ATP8A2: variants seen among roughly 807,000 people sequenced by gnomAD.
ATP8A2 encodes the protein ATPase phospholipid transporting 8A2.
ATP8A2 carries 100 observed loss-of-function variants against 165.6 expected under a neutral mutation model. The observed-to-expected ratio is 0.60, with a 90% CI of 0.51 to 0.71. ATP8A2 has a LOEUF of 0.71. ATP8A2 is among the 30% of genes least tolerant of loss of function. The pLI, the probability that ATP8A2 is intolerant of heterozygous loss-of-function variation, is 0.00. For missense variants in ATP8A2, 1,227 were observed against 1,479.5 expected, an observed-to-expected ratio of 0.83 and a Z score of 2.80; for synonymous variants, 543 against 548.8, an observed-to-expected ratio of 0.99 and a Z score of 0.15.
rs148324221 is a variant in ATP8A2, at chr13:25,693,526, T to G, written c.2212-5647T>G. ...AGGCAAAGGAGTGTATCTGAGCAGATGAAGGGCAGGGAGAAGAGAATGGAA... is the reference window on the plus strand; with the variant it reads ...AGGCAAAGGAGTGTATCTGAGCAGAGGAAGGGCAGGGAGAAGAGAATGGAA... On this transcript the variant is annotated intron_variant, in intron 24 of 36. Transcript: ENST00000381655. Among the ~76,000 whole-genome samples, 15 of 152,166 alleles carry G rather than the reference T, an allele frequency of 9.9e-5. No individual in the cohort carries two copies. The East Asian group carries it at 2.9e-3, about 29-fold the overall frequency.
chr13:25,603,935 A>T (rs530783085), intron 24 of ATP8A2, among the ~76,000 whole-genome samples: 2 of 152,058 alleles, frequency 1.3e-5, no homozygotes, highest in South Asian at 2.1e-4. Flanking sequence ...ATGGAGAAAA[A>T]TACTGAGTAA....
chr13:25,736,227 T>C (rs1164813337), intron 25 of ATP8A2, among the ~76,000 whole-genome samples: 2 of 152,204 alleles, frequency 1.3e-5, no homozygotes, highest in Non-Finnish European at 2.9e-5. Flanking sequence ...CCCTTCATTA[T>C]GTGATGCGTG....
intron 24 of ATP8A2, among the ~76,000 whole-genome samples, chr13:25,617,623 C>G (rs1009634645): frequency 3.3e-5 from 5 of 152,210 alleles, no homozygotes; most frequent in Middle Eastern, 3.4e-3. Context: ...TCTTGGTGTT[C>G]CCTTGACTTT....
rs1951705150 is a variant in ATP8A2 at position 25,839,498 on chromosome 13, T to C, written c.2878-48T>C. Reference sequence around the variant, plus strand: ...GCGTTTGTTGAGAGTTTCACAGAGGTCAAGCGTTTTGGGCAGCTCCTGACT... The same window carrying C: ...GCGTTTGTTGAGAGTTTCACAGAGGCCAAGCGTTTTGGGCAGCTCCTGACT... On this transcript the variant is annotated intron_variant, in intron 29 of 36. Coordinates refer to ENST00000381655, the MANE Select transcript of ATP8A2 (RefSeq NM_016529.6). 13 of 1,369,684 alleles carry C rather than the reference T, an allele frequency of 9.5e-6. No homozygotes were observed. In the South Asian group the frequency reaches 1.3e-4, roughly 13 times the overall value. 84.8% of individuals were successfully genotyped at this position (1,369,684 alleles called of 1,614,324 possible).
intron 2 of ATP8A2, among the ~76,000 whole-genome samples, chr13:25,508,390 G>T (rs923059921): frequency 6.6e-6 from 1 of 152,164 alleles, no homozygotes; most frequent in African/African-American, 2.4e-5. Context: ...GGTCTTTATT[G>T]TGACGTGTCT....
intron 27 of ATP8A2, among the ~76,000 whole-genome samples, chr13:25,812,140 T>C (rs1173322580): frequency 6.6e-6 from 1 of 152,038 alleles, no homozygotes; most frequent in Non-Finnish European, 1.5e-5. Context: ...GATTTTTTTT[T>C]CTTTCTTGTT....
At chr13:25,397,519 C>T (rs188786850) in intron 1 of ATP8A2, among the ~76,000 whole-genome samples, 18 of 152,200 alleles carry the variant, frequency 1.2e-4, no homozygotes, top group Middle Eastern at 3.4e-3. Context: ...CACTCCAGGA[C>T]GGGCTGCTTG....
At chr13:25,522,730 G>C (rs1334822857) in intron 2 of ATP8A2, among the ~76,000 whole-genome samples, 1 of 152,112 alleles carries the variant, frequency 6.6e-6, no homozygotes, top group Non-Finnish European at 1.5e-5. Flanking sequence ...TGTATATGTT[G>C]AACCATCCTT....
chr13:25,585,782 A>C (rs1371150277), intron 23 of ATP8A2, among the ~76,000 whole-genome samples: 1 of 152,162 alleles, frequency 6.6e-6, no homozygotes, highest in Non-Finnish European at 1.5e-5. Flanking sequence ...CTGGGCTGTG[A>C]GGGTGACAAC....
intron 35 of ATP8A2, among the ~76,000 whole-genome samples, chr13:26,011,247 C>T (rs543537284): frequency 1.3e-5 from 2 of 152,298 alleles, no homozygotes; most frequent in East Asian, 1.9e-4. Flanking sequence ...AGTCCATACT[C>T]GAGCTACTTA....
At chr13:25,824,559 A>G (rs1421849154) in intron 27 of ATP8A2, among the ~76,000 whole-genome samples, 2 of 152,044 alleles carry the variant, frequency 1.3e-5, no homozygotes, top group African/African-American at 4.8e-5. Flanking sequence ...GGGGATTCCA[A>G]GTTGTCTTGG....
At chr13:25,738,966 T>C (rs1160420357) in intron 25 of ATP8A2, among the ~76,000 whole-genome samples, 1 of 152,242 alleles carries the variant, frequency 6.6e-6, no homozygotes, top group Non-Finnish European at 1.5e-5. Context: ...TGTTGACTTA[T>C]CCTTGTTACG....
chr13:25,605,450 G>T (rs374790305), intron 24 of ATP8A2, among the ~76,000 whole-genome samples: 1 of 151,972 alleles, frequency 6.6e-6, no homozygotes, highest in Non-Finnish European at 1.5e-5. Flanking sequence ...TGAGGAAAAA[G>T]AAAAATGAAA....
chr13:25,993,182 A>T (rs1355286121), intron 35 of ATP8A2, among the ~76,000 whole-genome samples: 1 of 152,110 alleles, frequency 6.6e-6, no homozygotes, highest in African/African-American at 2.4e-5. Flanking sequence ...AGCATGATTT[A>T]TAGTCATTTG....
intron 27 of ATP8A2, among the ~76,000 whole-genome samples, chr13:25,778,534 C>A (rs1394731206): frequency 2.6e-5 from 4 of 152,178 alleles, no homozygotes; most frequent in Non-Finnish European, 5.9e-5. Context: ...GGGTTGATTA[C>A]AAAAACCGCT....
chr13:25,866,325 T>C (rs981405468), intron 33 of ATP8A2, among the ~76,000 whole-genome samples: 1 of 152,124 alleles, frequency 6.6e-6, no homozygotes, highest in Non-Finnish European at 1.5e-5. Context: ...ACCTAATTAC[T>C]TTAGAGAATT....
intron 1 of ATP8A2, among the ~76,000 whole-genome samples, chr13:25,433,360 A>C (rs1440808461): frequency 6.6e-6 from 1 of 152,056 alleles, no homozygotes; most frequent in Non-Finnish European, 1.5e-5. Flanking sequence ...GCAGCCTTGA[A>C]TTCCTGGGCT....
At chr13:25,531,032 C>T (rs1464801469) in intron 4 of ATP8A2, among the ~76,000 whole-genome samples, 1 of 151,708 alleles carries the variant, frequency 6.6e-6, no homozygotes, top group Non-Finnish European at 1.5e-5. Flanking sequence ...AATCTTCTCC[C>T]CTCACAATCA....
chr13:25,830,769 A>G (rs1951440224), intron 28 of ATP8A2, among the ~76,000 whole-genome samples: 1 of 152,202 alleles, frequency 6.6e-6, no homozygotes, highest in Non-Finnish European at 1.5e-5. Flanking sequence ...ACATGCCTAC[A>G]CTCATGCACA....
Sources: allele counts gnomAD v4.1 joint callset (sites outside exome capture counted in the v4.1 genomes callset), GRCh38; gene constraint gnomAD v4.1.1; transcripts MANE v1.5; gene names NCBI Gene and HGNC (gene_info 2026-07-23, HGNC 2026-07-21).